The following TRDN variants were observed in gnomAD, a reference collection of about 807,000 sequenced individuals.
TRDN encodes triadin.
TRDN carries 161 observed loss-of-function variants against 149.7 expected under a neutral mutation model. That is an observed-to-expected ratio of 1.08 (90% CI 0.95 to 1.23). The LOEUF (loss-of-function observed/expected upper bound fraction) is 1.23, where lower values mean the gene tolerates loss of function less well. Among genes scored for constraint, TRDN ranks in the 50% most tolerant of loss-of-function variants. The probability of loss-of-function intolerance (pLI) is 0.00; values close to 1 mark genes in which losing one functional copy is unlikely to be tolerated. For missense variants in TRDN, 896 were observed against 823.5 expected, an observed-to-expected ratio of 1.09 and a Z score of -1.08; for synonymous variants, 294 against 250.5, an observed-to-expected ratio of 1.17 and a Z score of -1.64.
chr6:123,507,852 T>C (rs1477173935), intron 7 of TRDN, among the ~76,000 whole-genome samples: 1 of 152,218 alleles, frequency 6.6e-6, no homozygotes, highest in Non-Finnish European at 1.5e-5. Context: ...GAATGTCTGA[T>C]GCCAAAGTAT....
Position 123,256,039 on chromosome 6 carries a change from G to A in TRDN, c.1871-137C>T, listed in dbSNP as rs147951703. The A allele has an allele frequency of 9.8e-3, 3,608 of 368,736 alleles. 33 individuals carry two copies. Among genetic ancestry groups the A allele is most frequent in the Non-Finnish European group, 0.014 (3,035 of 224,144 alleles). The allele number at this position is 368,736 out of a possible 1,614,324, so 22.8% of individuals were successfully genotyped here. A position where few individuals can be genotyped will look rare whatever the true frequency, so the allele number is the denominator to read the frequency against. On this transcript the variant is annotated intron_variant, in intron 35 of 40. Transcript: ENST00000334268. ...TGTGTCATGGTGGTTTGCTGCACCCGTCAACCCATCATCTACATTAGGTAT... is the reference window on the plus strand; with the variant it reads ...TGTGTCATGGTGGTTTGCTGCACCCATCAACCCATCATCTACATTAGGTAT...
At chr6:123,571,892 C>T (rs9388258) in intron 1 of TRDN, among the ~76,000 whole-genome samples, 21 of 151,756 alleles carry the variant, frequency 1.4e-4, no homozygotes, top group Non-Finnish European at 2.2e-4. Flanking sequence ...TATGGCTGTG[C>T]GTAATTTAAT....
At chr6:123,541,341 G>A (rs1478715199) in intron 4 of TRDN, among the ~76,000 whole-genome samples, 1 of 152,112 alleles carries the variant, frequency 6.6e-6, no homozygotes, top group Non-Finnish European at 1.5e-5. Flanking sequence ...GTCACTTTGC[G>A]TGCCTTGACA....
chr6:123,223,977 G>T, intron 39 of TRDN, 116 bp downstream of exon 39: 2 of 823,518 alleles, frequency 2.4e-6, no homozygotes, highest in Non-Finnish European at 3.7e-6. Flanking sequence ...TGTAAATGTT[G>T]CCTAGAAAAG....
intron 24 of TRDN, among the ~76,000 whole-genome samples, chr6:123,297,083 T>C (rs1247400750): frequency 6.6e-6 from 1 of 152,150 alleles, no homozygotes; most frequent in African/African-American, 2.4e-5. Context: ...GGGTCTGTGG[T>C]TGATATGCCT....
chr6:123,575,381 T>C (rs1782801027), intron 1 of TRDN, among the ~76,000 whole-genome samples: 1 of 152,058 alleles, frequency 6.6e-6, no homozygotes, highest in African/African-American at 2.4e-5. Context: ...TGACAGCTGG[T>C]CAAGATAAAT....
intron 9 of TRDN, among the ~76,000 whole-genome samples, chr6:123,478,645 A>T (rs1777609987): frequency 6.6e-6 from 1 of 152,110 alleles, no homozygotes; most frequent in Admixed American, 6.6e-5. Context: ...GGATGGATTA[A>T]ATTCTCAAAT....
chr6:123,464,367 AAAC>A, intron 10 of TRDN: 1 of 974,140 alleles, frequency 1.0e-6, no homozygotes. Context: ...CATATACATA[AAAC>A]AGTATTTGTG....
In TRDN at chr6:123,437,948, C is replaced by A. The variant is rs748973595; in HGVS notation, c.1051+115G>T. ...AGTGCAAGTTTTGCTTTGACCTTCA[C>A]GTCTTGGGTAGATATAAGTAACTGT... On this transcript the variant is annotated intron_variant, in intron 12 of 40. Coordinates refer to ENST00000334268, the MANE Select transcript of TRDN (RefSeq NM_006073.4). 1.0e-5 allele frequency: 9 copies of A among 893,006 alleles called. No homozygotes were observed. The South Asian group carries it at 1.3e-4, about 12-fold the overall frequency. 55.3% of individuals were successfully genotyped at this position (893,006 alleles called of 1,614,324 possible).
At chr6:123,328,178 A>T (rs540157605) in intron 23 of TRDN, among the ~76,000 whole-genome samples, 7 of 152,314 alleles carry the variant, frequency 4.6e-5, no homozygotes, top group African/African-American at 1.7e-4. Context: ...CTCACCCAGA[A>T]TCCCTCGCAG....
chr6:123,222,137 G>C (rs1256748239), intron 39 of TRDN, among the ~76,000 whole-genome samples: 1 of 151,574 alleles, frequency 6.6e-6, no homozygotes, highest in Non-Finnish European at 1.5e-5. Flanking sequence ...TGGTATCCAC[G>C]AATGGGGTTT....
intron 21 of TRDN, chr6:123,352,280 G>T: frequency 1.0e-6 from 1 of 984,894 alleles, no homozygotes. Context: ...GCAATCTTCA[G>T]CATGTCCCCT....
At chr6:123,633,449 G>A (rs1480282956) in intron 1 of TRDN, among the ~76,000 whole-genome samples, 2 of 151,934 alleles carry the variant, frequency 1.3e-5, no homozygotes, top group African/African-American at 2.4e-5. Context: ...GTGAATTCTA[G>A]CACATTCTTT....
At chr6:123,370,237 T>C (rs1417951616) in intron 19 of TRDN, among the ~76,000 whole-genome samples, 1 of 152,152 alleles carries the variant, frequency 6.6e-6, no homozygotes, top group East Asian at 1.9e-4. Flanking sequence ...TGTTCTATAT[T>C]TTGTAATAAT....
At chr6:123,246,992 T>C (rs545520814) in intron 38 of TRDN, among the ~76,000 whole-genome samples, 1 of 152,092 alleles carries the variant, frequency 6.6e-6, no homozygotes, top group Non-Finnish European at 1.5e-5. Context: ...ACAGAATCAA[T>C]GACAAAAACC....
At position 123,528,790 on chromosome 6, in the gene TRDN, C is replaced by T. The variant is rs888842402; in HGVS notation, c.484+1716G>A. ...AAGCAATAAAGTGAAATCTTTTGTT[C>T]ATATTCACACAGAAAAACTGTGGAA... On this transcript the variant is annotated intron_variant, in intron 5 of 40. Coordinates refer to ENST00000334268, the MANE Select transcript of TRDN (RefSeq NM_006073.4). 19 of 993,270 alleles carry T rather than the reference C, an allele frequency of 1.9e-5. No homozygotes were observed. The African/African-American group carries it at 3.3e-4, about 17-fold the overall frequency. The allele number at this position is 993,270 out of a possible 1,614,324, so 61.5% of individuals were successfully genotyped here.
chr6:123,239,662 A>T (rs570682042), intron 38 of TRDN, among the ~76,000 whole-genome samples: 1 of 152,110 alleles, frequency 6.6e-6, no homozygotes, highest in South Asian at 2.1e-4. Context: ...ACTAGTTAAA[A>T]TTAATTATAG....
At chr6:123,500,083 C>A (rs551064014) in intron 8 of TRDN, among the ~76,000 whole-genome samples, 1 of 152,042 alleles carries the variant, frequency 6.6e-6, no homozygotes, top group South Asian at 2.1e-4. Flanking sequence ...AATTAATACA[C>A]CAACAGCCCA....
At chr6:123,375,406 C>T (rs1442606594) in intron 19 of TRDN, among the ~76,000 whole-genome samples, 199 bp downstream of exon 19, 2 of 152,004 alleles carry the variant, frequency 1.3e-5, no homozygotes, top group Non-Finnish European at 2.9e-5. Flanking sequence ...CAAATGAAAG[C>T]TCTATAGATA....
Sources: allele counts gnomAD v4.1 joint callset (sites outside exome capture counted in the v4.1 genomes callset), GRCh38; gene constraint gnomAD v4.1.1; transcripts MANE v1.5; gene names NCBI Gene and HGNC (gene_info 2026-07-23, HGNC 2026-07-21).